PPP2R2D: variants seen among roughly 807,000 people sequenced by gnomAD.
The protein encoded by PPP2R2D is serine/threonine-protein phosphatase 2A 55 kDa regulatory subunit B delta isoform.
In PPP2R2D, 9 loss-of-function variants were observed where a neutral mutation model predicts 31.1. That is an observed-to-expected ratio of 0.29 (90% CI 0.17 to 0.51). The LOEUF is 0.51. Among genes scored for constraint, PPP2R2D ranks in the 20% least tolerant of loss-of-function variants. The pLI is 0.98. For synonymous variants in PPP2R2D, 179 were observed against 172.6 expected (o/e 1.04, Z -0.29); for missense variants, 391 against 465.6 (o/e 0.84, Z 1.48).
rs549952174 is a variant in PPP2R2D at position 131,953,580 on chromosome 10, TAGC to T, written c.1083-2101_1083-2099del. Among the ~76,000 whole-genome samples, 180 of 143,120 alleles carry T rather than the reference TAGC, an allele frequency of 1.3e-3. 1 individual carries two copies. The highest frequency in any genetic ancestry group is 8.6e-3 in the East Asian group (39 of 4,522). 93.9% of individuals were successfully genotyped at this position (143,120 alleles called of 152,430 possible). A position where few individuals can be genotyped will look rare whatever the true frequency, so the allele number is the denominator to read the frequency against. On this transcript the variant is annotated intron_variant, in intron 8 of 8. Coordinates refer to ENST00000455566, the MANE Select transcript of PPP2R2D (RefSeq NM_018461.5). The stretch of plus-strand genomic sequence containing the variant: ...GTTGTGTGTGTGGGGGTCACTGTCT[TAGC>T]AGTGACTTGCGGGTATGCGGGGGTT...
intron 2 of PPP2R2D, among the ~76,000 whole-genome samples, chr10:131,918,407 G>A (rs1554893577): frequency 6.9e-6 from 1 of 145,170 alleles, no homozygotes; most frequent in African/African-American, 2.6e-5. Context: ...ACACAATGTA[G>A]GGATCTCACA....
At chr10:131,948,207 T>TCA (rs1320921499) in intron 8 of PPP2R2D, among the ~76,000 whole-genome samples, 1 of 152,224 alleles carries the variant, frequency 6.6e-6, no homozygotes, top group Admixed American at 6.5e-5. Context: ...CCACTGCCTG[T>TCA]CATGCCCAGA....
At chr10:131,966,912 G>A in the PPP2R2D span, 12 of 136,590 alleles carry the variant, frequency 8.8e-5, no homozygotes, top group African/African-American at 2.0e-4. Context: ...ATGGAGTCTC[G>A]TTCTCCCTCC....
At chr10:131,952,815 T>C (rs2036698346) in intron 8 of PPP2R2D, among the ~76,000 whole-genome samples, 1 of 89,714 alleles carries the variant, frequency 1.1e-5, no homozygotes, top group Admixed American at 1.3e-4. Flanking sequence ...AGCAGTGACT[T>C]GCGGGTGTGT....
intron 2 of PPP2R2D, among the ~76,000 whole-genome samples, chr10:131,916,239 G>A (rs1316420235): frequency 1.3e-5 from 2 of 152,074 alleles, no homozygotes; most frequent in Middle Eastern, 3.2e-3. Flanking sequence ...TGTGGAGTTC[G>A]CATCTATATG....
intron 3 of PPP2R2D, among the ~76,000 whole-genome samples, chr10:131,938,881 C>T (rs1266458474): frequency 1.3e-5 from 2 of 152,220 alleles, no homozygotes; most frequent in African/African-American, 2.4e-5. Flanking sequence ...TCCTCAGGCC[C>T]GTGCTGGCTC....
Position 131,944,054 on chromosome 10 carries a change from C to T in PPP2R2D, c.564C>T (p.Ser188=). ...ATGCTCACACATATCATATAAATTC[C>T]ATTTCAGTAAATAGTGATCATGAAA... is the stretch of plus-strand genomic sequence containing the variant. ...FANAHTYHIN[S]ISVNSDHETY... Residue 188 remains serine, a synonymous_variant, in exon 6 of 9, where the codon TCC becomes TCT. Coordinates refer to ENST00000455566, the MANE Select transcript of PPP2R2D (RefSeq NM_018461.5). 1 of 1,599,030 alleles carries T rather than the reference C, an allele frequency of 6.3e-7. No homozygotes were observed. Among genetic ancestry groups the T allele is most frequent in the Non-Finnish European group, 8.6e-7 (1 of 1,166,540 alleles).
intron 8 of PPP2R2D, among the ~76,000 whole-genome samples, chr10:131,952,968 G>A (rs1445221981): frequency 9.2e-6 from 1 of 109,244 alleles, no homozygotes; most frequent in African/African-American, 3.7e-5. Context: ...GCGAGTGTGC[G>A]GGGGTTCACT....
intron 2 of PPP2R2D, among the ~76,000 whole-genome samples, chr10:131,908,943 T>C (rs2035641129): frequency 6.6e-6 from 1 of 152,170 alleles, no homozygotes; most frequent in African/African-American, 2.4e-5. Context: ...GAAATAGAAA[T>C]GCAGTTCTTG....
chr10:131,962,058 T>C (rs1554901539), downstream of PPP2R2D, among the ~76,000 whole-genome samples: 1 of 152,244 alleles, frequency 6.6e-6, no homozygotes, highest in African/African-American at 2.4e-5. Context: ...GGGACTCTGC[T>C]TCTGAGGCTG....
intron 2 of PPP2R2D, among the ~76,000 whole-genome samples, chr10:131,910,650 T>C (rs2035667380): frequency 6.6e-6 from 1 of 152,204 alleles, no homozygotes; most frequent in Non-Finnish European, 1.5e-5. Flanking sequence ...GAATATGTAT[T>C]TGGTCTTCCC....
intron 3 of PPP2R2D, among the ~76,000 whole-genome samples, chr10:131,937,240 C>T (rs1554896639): frequency 6.6e-6 from 1 of 152,186 alleles, no homozygotes; most frequent in African/African-American, 2.4e-5. Flanking sequence ...TAGTCAGCAC[C>T]TTGAGTTTCA....
At chr10:131,965,275 G>A in the PPP2R2D span, among the ~76,000 whole-genome samples, 3 of 152,104 alleles carry the variant, frequency 2.0e-5, no homozygotes, top group Non-Finnish European at 2.9e-5. Context: ...GAGGCTGGGC[G>A]CCAAGAGCAT....
At chr10:131,970,579 G>A in the PPP2R2D span, 1 of 1,579,628 alleles carries the variant, frequency 6.3e-7, no homozygotes, top group Non-Finnish European at 8.6e-7. This position sits in a 1 kb window ranked among gnomAD's most constrained non-coding sequence, Gnocchi z 4.1. Flanking sequence ...ATAAATCACT[G>A]CAACCCAGAA....
rs2036798105 is a variant in PPP2R2D, at chr10:131,956,322, C to G, written c.*359C>G. ...GTTATTGTCAGATACCGCTCTTTCTCCAACTTTCCCTCTTTCTCTGCCATC... is the reference window on the plus strand; with the variant it reads ...GTTATTGTCAGATACCGCTCTTTCTGCAACTTTCCCTCTTTCTCTGCCATC... On this transcript the variant is annotated 3_prime_UTR_variant, in exon 9 of 9. Coordinates refer to ENST00000455566, the MANE Select transcript of PPP2R2D (RefSeq NM_018461.5). 2.0e-6 allele frequency: 2 copies of G among 996,962 alleles called. No homozygotes were observed. Among genetic ancestry groups the G allele is most frequent in the East Asian group, 2.1e-4 (2 of 9,668 alleles). The allele number at this position is 996,962 out of a possible 1,614,324, so 61.8% of individuals were successfully genotyped here.
intron 8 of PPP2R2D, among the ~76,000 whole-genome samples, chr10:131,953,656 A>G (rs1554899446): frequency 8.8e-6 from 1 of 113,066 alleles, no homozygotes; most frequent in East Asian, 2.9e-4. Flanking sequence ...TGTCTTAGTG[A>G]CTTCCAAGTG....
chr10:131,936,171 G>A (rs1554896450), intron 3 of PPP2R2D, among the ~76,000 whole-genome samples: 2 of 151,964 alleles, frequency 1.3e-5, no homozygotes, highest in South Asian at 2.1e-4. Context: ...TTTTTGAGAT[G>A]GAGTCTTGCT....
At chr10:131,936,188 C>T (rs527867715) in intron 3 of PPP2R2D, among the ~76,000 whole-genome samples, 34 of 151,798 alleles carry the variant, frequency 2.2e-4, no homozygotes, top group African/African-American at 6.3e-4. Context: ...TGCTCTGTCA[C>T]CTGGGCTGGA....
At chr10:131,918,660 G>T (rs2035882215) in intron 2 of PPP2R2D, among the ~76,000 whole-genome samples, 2 of 148,372 alleles carry the variant, frequency 1.3e-5, no homozygotes, top group South Asian at 4.3e-4. Context: ...AGGGACCTCA[G>T]GCGGGTAGGA....
Sources: allele counts gnomAD v4.1 joint callset (sites outside exome capture counted in the v4.1 genomes callset), GRCh38; gene constraint gnomAD v4.1.1; non-coding constraint Gnocchi (gnomAD v3.1); transcripts MANE v1.5; gene names NCBI Gene and HGNC (gene_info 2026-07-23, HGNC 2026-07-21).